MAML3: variants seen among roughly 807,000 people sequenced by gnomAD.
The protein encoded by MAML3 is mastermind like transcriptional coactivator 3.
A neutral mutation model predicts 101.9 loss-of-function variants in MAML3; 27 were observed. The observed-to-expected ratio is 0.27, with a 90% CI of 0.20 to 0.37. The LOEUF is 0.37. Ranked by LOEUF, MAML3 falls within the 10% of genes least tolerant of loss-of-function variation. The pLI, the probability that MAML3 is intolerant of heterozygous loss-of-function variation, is 1.00. For missense variants in MAML3, 1,316 were observed against 1,444.9 expected, an observed-to-expected ratio of 0.91 and a Z score of 1.45; for synonymous variants, 501 against 555.9, an observed-to-expected ratio of 0.90 and a Z score of 1.39.
rs1189976957 is a variant in MAML3, at chr4:139,932,320, CAT to C, written c.469-41355_469-41354del. 2.6e-5 allele frequency among the ~76,000 whole-genome samples: 4 copies of C among 151,814 alleles called. No homozygotes were observed. In the East Asian group the frequency reaches 5.8e-4, roughly 22 times the overall value. On this transcript the variant is annotated intron_variant, in intron 1 of 4. Transcript: ENST00000509479. ...ACTAACTGGAATGGAAGGATGTAAT[CAT>C]GTGGGGAAAAACATAAAATACTTTC...
At chr4:139,898,441 G>A (rs898823383) in intron 1 of MAML3, among the ~76,000 whole-genome samples, 2 of 152,190 alleles carry the variant, frequency 1.3e-5, no homozygotes, top group Admixed American at 1.3e-4. Flanking sequence ...ATGGTCACAT[G>A]TTTTCACATG....
chr4:139,719,469 C>T lies in MAML3; in HGVS notation c.3271G>A (p.Asp1091Asn), dbSNP rs1354411155. 11 of 1,613,888 alleles carry T rather than the reference C, an allele frequency of 6.8e-6. No individual in the cohort carries two copies. In the Admixed American group the frequency reaches 1.8e-4, roughly 27 times the overall value. ...TCGCCACTGTAATTGTATGACACGTCCTGAGGGGCATTCCGCTCATAGGCT... is the reference window on the plus strand; with the variant it reads ...TCGCCACTGTAATTGTATGACACGTTCTGAGGGGCATTCCGCTCATAGGCT... ...SQAYERNAPQ[D>N]VSYNYSGDGA... Residue 1091 changes from aspartate (D) to asparagine (N), a missense_variant, in exon 5 of 5, where the codon GAC (aspartate) becomes AAC (asparagine). Physicochemically the swap from Asp to Asn is conservative, Grantham distance 23. Coordinates refer to ENST00000509479, the MANE Select transcript of MAML3 (RefSeq NM_018717.5).
chr4:140,046,076 A>G (rs1727178530), intron 1 of MAML3, among the ~76,000 whole-genome samples: 1 of 152,216 alleles, frequency 6.6e-6, no homozygotes, highest in Admixed American at 6.5e-5. Flanking sequence ...TATTTATGCT[A>G]TGGTCTAAAT....
At chr4:139,779,039 A>ACG (rs1393624359) in intron 2 of MAML3, among the ~76,000 whole-genome samples, 1 of 151,988 alleles carries the variant, frequency 6.6e-6, no homozygotes, top group African/African-American at 2.4e-5. Context: ...ATCTGCCTTT[A>ACG]CACAGCCTAC....
chr4:139,906,595 G>T (rs75175296), intron 1 of MAML3, among the ~76,000 whole-genome samples: 1 of 152,212 alleles, frequency 6.6e-6, no homozygotes, highest in African/African-American at 2.4e-5. Flanking sequence ...TGCCTCATGC[G>T]ATAAATCACT....
chr4:139,885,652 C>G (rs1560824278), intron 2 of MAML3, among the ~76,000 whole-genome samples: 1 of 150,878 alleles, frequency 6.6e-6, no homozygotes, highest in Admixed American at 6.6e-5. Flanking sequence ...GGCCGGGCGC[C>G]GTGGCTCACA....
Position 140,146,883 on chromosome 4 carries a change from C to T in MAML3, c.468+5977G>A, listed in dbSNP as rs374265078. On this transcript the variant is annotated intron_variant, in intron 1 of 4. Coordinates refer to ENST00000509479, the MANE Select transcript of MAML3 (RefSeq NM_018717.5). Reference sequence around the variant, plus strand: ...GGGTGCGGTGGCTCACACCTGTAATCCCAGCACTTTGGGAGGCTGAGGTGG... The same window carrying T: ...GGGTGCGGTGGCTCACACCTGTAATTCCAGCACTTTGGGAGGCTGAGGTGG... Among the ~76,000 whole-genome samples, 543 of 152,142 alleles carry T rather than the reference C, an allele frequency of 3.6e-3. 1 individual carries two copies. Among genetic ancestry groups the T allele is most frequent in the Middle Eastern group, 0.02 (6 of 294 alleles).
rs375901234 is a variant in MAML3 at position 139,890,284 on chromosome 4, G to A, written c.1152C>T (p.Pro384=). 4.1e-5 allele frequency: 66 copies of A among 1,613,816 alleles called. No homozygotes were observed. The African/African-American group carries it at 8.0e-4, about 20-fold the overall frequency. ...TAGTGGCCGTGGAGACAGTAGAAAA[G>A]GGAGGACCAGAAGAAGAAGGCCTCG... ...PQARPSSSGP[P]FSTVSTATSL... is the part of the protein sequence containing the mutation. Residue 384 remains proline (P), a synonymous_variant, in exon 2 of 5, where the codon CCC becomes CCT. Transcript: ENST00000509479. The surrounding 1 kb of genome is among the most constrained non-coding windows in gnomAD (Gnocchi z 4.1).
chr4:139,924,515 C>T lies in MAML3; in HGVS notation c.469-33548G>A, dbSNP rs184199210. Among the ~76,000 whole-genome samples the T allele has an allele frequency of 3.3e-5, 5 of 152,254 alleles. No individual in the cohort carries two copies. In the East Asian group the frequency reaches 9.6e-4, roughly 29 times the overall value. The stretch of plus-strand genomic sequence containing the variant: ...ATTCTGTTATCTTGAATTATGTTAT[C>T]CTGGATCAAGAAATAGCATTCTATC... On this transcript the variant is annotated intron_variant, in intron 1 of 4. Coordinates refer to ENST00000509479, the MANE Select transcript of MAML3 (RefSeq NM_018717.5).
intron 2 of MAML3, among the ~76,000 whole-genome samples, chr4:139,783,913 C>G (rs528569567): frequency 6.6e-6 from 1 of 152,334 alleles, no homozygotes; most frequent in South Asian, 2.1e-4. Context: ...TCCTCGGAGG[C>G]TCTTCATTAC....
At position 140,153,961 on chromosome 4, in the gene MAML3, G is replaced by C. The variant is rs1729223484; in HGVS notation, c.-634C>G. The stretch of plus-strand genomic sequence containing the variant: ...TAGATATCGAATCCTCGGGCTGGGG[G>C]AAGTAAACACATGGACAGTCCGAGG... On this transcript the variant is annotated 5_prime_UTR_variant, in exon 1 of 5. Coordinates refer to ENST00000509479, the MANE Select transcript of MAML3 (RefSeq NM_018717.5). 1 of 153,636 alleles carries C rather than the reference G, an allele frequency of 6.5e-6. No individual in the cohort carries two copies. The highest frequency in any genetic ancestry group is 1.5e-5 in the Non-Finnish European group (1 of 68,416). 9.5% of individuals were successfully genotyped at this position (153,636 alleles called of 1,614,324 possible). A position where few individuals can be genotyped will look rare whatever the true frequency, so the allele number is the denominator to read the frequency against.
At position 140,153,371 on chromosome 4, in the gene MAML3, A is replaced by AC. The variant is rs763176711; in HGVS notation, c.-45dup. The AC allele has an allele frequency of 2.1e-5, 31 of 1,490,416 alleles. No individual in the cohort carries two copies. In the East Asian group the frequency reaches 5.2e-4, roughly 25 times the overall value. 92.3% of individuals were successfully genotyped at this position (1,490,416 alleles called of 1,614,324 possible). Reference sequence around the variant, plus strand: ...TATTTTGGAAGAACTTTTTTTATCCACCCCCCTATCAGCCTCCTCCTTGGG... The same window carrying AC: ...TATTTTGGAAGAACTTTTTTTATCCACCCCCCCTATCAGCCTCCTCCTTGGG... On this transcript the variant is annotated 5_prime_UTR_variant, in exon 1 of 5. Transcript: ENST00000509479.
At chr4:139,946,915 A>T (rs1032278251) in intron 1 of MAML3, among the ~76,000 whole-genome samples, 85 of 123,094 alleles carry the variant, frequency 6.9e-4, no homozygotes, top group African/African-American at 2.7e-3. Flanking sequence ...ACACACACAC[A>T]CACACACACA....
At chr4:139,975,974 T>G (rs1734332156) in intron 1 of MAML3, among the ~76,000 whole-genome samples, 1 of 152,196 alleles carries the variant, frequency 6.6e-6, no homozygotes, top group Non-Finnish European at 1.5e-5. Flanking sequence ...GAAAATAAAA[T>G]GATGCATAGT....
intron 1 of MAML3, among the ~76,000 whole-genome samples, chr4:139,982,909 A>G (rs1174787511): frequency 6.6e-6 from 1 of 152,152 alleles, no homozygotes; most frequent in East Asian, 1.9e-4. Flanking sequence ...CCCCCTTAGG[A>G]AAAAACTATC....
chr4:140,077,391 C>G (rs747818887), intron 1 of MAML3, among the ~76,000 whole-genome samples: 1 of 152,164 alleles, frequency 6.6e-6, no homozygotes, highest in Non-Finnish European at 1.5e-5. Context: ...CTTGCAGCCC[C>G]GCATCAAAGG....
chr4:140,018,772 G>A (rs1266888337), intron 1 of MAML3, among the ~76,000 whole-genome samples: 1 of 152,136 alleles, frequency 6.6e-6, no homozygotes, highest in Non-Finnish European at 1.5e-5. Flanking sequence ...TGTATATAAT[G>A]TTTTGGGACA....
chr4:140,104,948 T>C (rs1231329862), intron 1 of MAML3, among the ~76,000 whole-genome samples: 1 of 152,216 alleles, frequency 6.6e-6, no homozygotes, highest in Non-Finnish European at 1.5e-5. Context: ...ATCTGAGATA[T>C]TAATTCAAGG....
chr4:140,095,087 C>A (rs1290036256), intron 1 of MAML3, among the ~76,000 whole-genome samples: 1 of 152,368 alleles, frequency 6.6e-6, no homozygotes, highest in African/African-American at 2.4e-5. Flanking sequence ...GCTGCCCTGA[C>A]CCTGCCTCAG....
Sources: gnomAD v4.1 joint callset for allele counts (sites outside exome capture counted in the v4.1 genomes callset) on GRCh38, gnomAD v4.1.1 for gene constraint, Gnocchi (gnomAD v3.1) non-coding constraint, MANE v1.5 for transcripts, NCBI Gene and HGNC (gene_info 2026-07-23, HGNC 2026-07-21) for gene names.